The following ADK variants were observed in gnomAD, a reference collection of about 807,000 sequenced individuals.
ADK encodes the protein N6,N6-dimethyladenosine kinase.
A neutral mutation model predicts 44.7 loss-of-function variants in ADK; 24 were observed. The observed-to-expected ratio is 0.54, with a 90% confidence interval of 0.39 to 0.76. The LOEUF is 0.76. ADK is among the 30% of genes least tolerant of loss of function. ADK has a pLI of 0.00. For missense variants in ADK, 321 were observed against 425.1 expected, an observed-to-expected ratio of 0.76 and a Z score of 2.15; for synonymous variants, 128 against 142.6, an observed-to-expected ratio of 0.90 and a Z score of 0.73.
chr10:74,212,944 G>A (rs1253294772), intron 2 of ADK, among the ~76,000 whole-genome samples: 1 of 152,178 alleles, frequency 6.6e-6, no homozygotes, highest in East Asian at 1.9e-4. Flanking sequence ...GTGACTGATG[G>A]TGGTATTTAC....
At chr10:74,352,631 A>G (rs1841999849) in intron 4 of ADK, among the ~76,000 whole-genome samples, 1 of 152,244 alleles carries the variant, frequency 6.6e-6, no homozygotes, top group Non-Finnish European at 1.5e-5. Context: ...ATCAGAGTGA[A>G]CAGGCAGCAT....
intron 7 of ADK, among the ~76,000 whole-genome samples, chr10:74,575,588 G>T (rs939640207): frequency 6.6e-6 from 1 of 152,146 alleles, no homozygotes; most frequent in African/African-American, 2.4e-5. Context: ...AAAGCCTGGG[G>T]CATGTTCAGA....
intron 4 of ADK, among the ~76,000 whole-genome samples, chr10:74,384,765 A>G (rs1361855639): frequency 6.6e-6 from 1 of 152,228 alleles, no homozygotes. Context: ...GTAGGAAGCT[A>G]GAAAGAACAA....
chr10:74,535,248 C>T (rs1418575830), intron 7 of ADK, among the ~76,000 whole-genome samples: 1 of 152,038 alleles, frequency 6.6e-6, no homozygotes, highest in Non-Finnish European at 1.5e-5. Context: ...ATTGCTTGAG[C>T]AGAGGTGTTG....
chr10:74,319,135 T>G (rs1840727879), intron 4 of ADK, among the ~76,000 whole-genome samples: 1 of 152,232 alleles, frequency 6.6e-6, no homozygotes, highest in Non-Finnish European at 1.5e-5. Context: ...TTTAATTAAA[T>G]ATTGGTAAAA....
intron 4 of ADK, among the ~76,000 whole-genome samples, chr10:74,350,602 T>C (rs1841932119): frequency 6.6e-6 from 1 of 152,014 alleles, no homozygotes; most frequent in African/African-American, 2.4e-5. Context: ...TGAAAAACCC[T>C]TGAAAAAAAT....
chr10:74,244,343 A>C (rs1290773830), intron 3 of ADK, among the ~76,000 whole-genome samples: 1 of 152,232 alleles, frequency 6.6e-6, no homozygotes, highest in African/African-American at 2.4e-5. Flanking sequence ...ACTTCAAAAA[A>C]GTGTATGGAA....
rs537498052 is a variant in ADK at position 74,457,268 on chromosome 10, A to C, written c.555+58689A>C. ...CATTGCTGGTCAGATACCCCCTCCC[A>C]AGACTAAACCAGGAGGAAGTGAATC... On this transcript the variant is annotated intron_variant, in intron 6 of 10. Transcript: ENST00000539909. Among the ~76,000 whole-genome samples, 5 of 152,334 alleles carry C rather than the reference A, an allele frequency of 3.3e-5. No individual in the cohort carries two copies. In the South Asian group the frequency reaches 1.0e-3, roughly 32 times the overall value.
intron 6 of ADK, among the ~76,000 whole-genome samples, chr10:74,444,866 CA>C (rs1423893783): frequency 2.9e-5 from 4 of 139,140 alleles, no homozygotes; most frequent in Non-Finnish European, 4.4e-5. Flanking sequence ...CCAGAAATCA[CA>C]AAATCCATTT....
intron 6 of ADK, among the ~76,000 whole-genome samples, chr10:74,491,054 C>A (rs2164367): frequency 1.3e-5 from 2 of 151,858 alleles, no homozygotes; most frequent in Non-Finnish European, 2.9e-5. Context: ...AATACTAGCC[C>A]TATAGAATTC....
intron 9 of ADK, among the ~76,000 whole-genome samples, chr10:74,603,013 G>T (rs1232827858): frequency 6.6e-6 from 1 of 152,118 alleles, no homozygotes; most frequent in African/African-American, 2.4e-5. Context: ...ATTTAATAAT[G>T]ATTAAGAACA....
At chr10:74,355,899 C>G (rs1392200668) in intron 4 of ADK, among the ~76,000 whole-genome samples, 1 of 151,618 alleles carries the variant, frequency 6.6e-6, no homozygotes, top group Non-Finnish European at 1.5e-5. Flanking sequence ...AGCATATTTG[C>G]CAATCAATCC....
chr10:74,232,914 G>A (rs1344301095), intron 3 of ADK, among the ~76,000 whole-genome samples: 2 of 152,164 alleles, frequency 1.3e-5, no homozygotes, highest in South Asian at 2.1e-4. Flanking sequence ...GTAAGCCACC[G>A]CGTCTGGCCT....
At chr10:74,508,506 C>A (rs1167312839) in intron 6 of ADK, 1 of 152,122 alleles carries the variant, frequency 6.6e-6, no homozygotes, top group Non-Finnish European at 1.5e-5. Context: ...ATTCTCACAA[C>A]CCTTGAGAGA....
intron 1 of ADK, among the ~76,000 whole-genome samples, chr10:74,171,352 T>C (rs1842154982): frequency 6.6e-6 from 1 of 152,242 alleles, no homozygotes; most frequent in Non-Finnish European, 1.5e-5. Flanking sequence ...TAATTTTATA[T>C]GAGAGTGCTT....
chr10:74,229,837 G>A (rs1477562814), intron 3 of ADK, among the ~76,000 whole-genome samples: 2 of 152,062 alleles, frequency 1.3e-5, no homozygotes, highest in African/African-American at 4.8e-5. Flanking sequence ...ACGAGTTGGA[G>A]ACCAGCCTGG....
intron 6 of ADK, among the ~76,000 whole-genome samples, chr10:74,504,184 A>G (rs1297142639): frequency 2.6e-5 from 4 of 152,084 alleles, no homozygotes; most frequent in Non-Finnish European, 4.4e-5. Context: ...AAATTTTGCT[A>G]CATTCCTTTT....
chr10:74,455,579 G>A (rs1024006833), intron 6 of ADK, among the ~76,000 whole-genome samples: 2 of 151,840 alleles, frequency 1.3e-5, no homozygotes, highest in Non-Finnish European at 2.9e-5. Context: ...GCATGATCTC[G>A]GCTCAGTGCA....
intron 1 of ADK, among the ~76,000 whole-genome samples, chr10:74,164,886 G>A (rs1043908556): frequency 2.6e-5 from 4 of 152,200 alleles, no homozygotes; most frequent in Non-Finnish European, 5.9e-5. Context: ...TAGATATCAA[G>A]TCAAACTCAA....
Sources: gnomAD v4.1 joint callset for allele counts (sites outside exome capture counted in the v4.1 genomes callset) on GRCh38, gnomAD v4.1.1 for gene constraint, MANE v1.5 for transcripts, NCBI Gene and HGNC (gene_info 2026-07-23, HGNC 2026-07-21) for gene names.